Variants in AGAP1 observed in about 807,000 individuals in gnomAD.
The protein encoded by AGAP1 is ArfGAP with GTPase domain, ankyrin repeat and PH domain 1.
Under a neutral mutation model 105.3 loss-of-function variants are expected in AGAP1, and 29 were observed. The observed-to-expected ratio is 0.28, with a 90% CI of 0.21 to 0.38. AGAP1 has a LOEUF of 0.38. Among genes scored for constraint, AGAP1 ranks in the 10% least tolerant of loss-of-function variants. The pLI is 1.00. For synonymous variants in AGAP1, 509 were observed against 485.9 expected (o/e 1.05, Z -0.63); for missense variants, 998 against 1,165.1 (o/e 0.86, Z 2.09).
intron 9 of AGAP1, among the ~76,000 whole-genome samples, chr2:235,811,120 T>G (rs779111978): frequency 5.5e-4 from 83 of 152,094 alleles, no homozygotes; most frequent in Non-Finnish European, 1.1e-3. Context: ...GGAGGTCTGT[T>G]TGGGGGACAG....
At chr2:235,803,655 C>T (rs1957694147) in intron 8 of AGAP1, among the ~76,000 whole-genome samples, 1 of 152,188 alleles carries the variant, frequency 6.6e-6, no homozygotes, top group African/African-American at 2.4e-5. Context: ...TTATAAAGTA[C>T]ACTGTAATGC....
In AGAP1 at chr2:235,590,715, A is replaced by ATTTT. The variant is rs67076321; in HGVS notation, c.163+95886_163+95889dup. On this transcript the variant is annotated intron_variant, in intron 1 of 17. Transcript: ENST00000304032. ...TGCGTGTGTGTGTGTGTGTGTGTGC[A>ATTTT]TTTTTTTTTTTTTTTTTTTTTTTGA... Among the ~76,000 whole-genome samples, 10 of 53,696 alleles carry ATTTT rather than the reference A, an allele frequency of 1.9e-4. No homozygotes were observed. In the East Asian group the frequency reaches 3.5e-3, roughly 19 times the overall value. 35.2% of individuals were successfully genotyped at this position (53,696 alleles called of 152,430 possible).
At chr2:235,523,727 AGGTGGCCTTGGGTCG>A (rs1384796291) in intron 1 of AGAP1, among the ~76,000 whole-genome samples, 3 of 152,250 alleles carry the variant, frequency 2.0e-5, no homozygotes, top group Non-Finnish European at 4.4e-5. Context: ...GCCAGTGGTC[AGGTGGCCTTGGGTCG>A]AAAGGCCGAC....
Position 235,908,692 on chromosome 2 carries a change from CTTTTT to C in AGAP1, c.1156-36_1156-32del. On this transcript the variant is annotated intron_variant, in intron 10 of 17. Transcript: ENST00000304032. The surrounding 1 kb of genome is among the most constrained non-coding windows in gnomAD (Gnocchi z 4.4). ...CCTTTTGTTCTAGGTTGTAAAAGGT[CTTTTT>C]TTTTTTTTTATCTCTCTTGGATGTT... The C allele has an allele frequency of 2.2e-6, 3 of 1,367,798 alleles. No homozygotes were observed. The highest frequency in any genetic ancestry group is 1.5e-5 in the South Asian group (1 of 65,884). The allele number at this position is 1,367,798 out of a possible 1,614,324, so 84.7% of individuals were successfully genotyped here. A position where few individuals can be genotyped will look rare whatever the true frequency, so the allele number is the denominator to read the frequency against.
At chr2:235,892,471 G>A (rs1283212381) in intron 10 of AGAP1, among the ~76,000 whole-genome samples, 4 of 151,648 alleles carry the variant, frequency 2.6e-5, no homozygotes, top group Admixed American at 2.6e-4. Flanking sequence ...ATTTCAGAAA[G>A]TTTCTAGTTT....
chr2:236,120,596 C>A lies in AGAP1; in HGVS notation c.2370+149C>A. ...CTAATGGGAAACTCTGATTGAAGAG[C>A]AGAGGGCCTTACGGAGAGACAGCCG... On this transcript the variant is annotated intron_variant, in intron 17 of 17. Transcript: ENST00000304032. The surrounding 1 kb of genome is among the most constrained non-coding windows in gnomAD (Gnocchi z 6.0). 7.0e-7 allele frequency: 1 copy of A among 1,425,660 alleles called. No homozygotes were observed. The highest frequency in any genetic ancestry group is 9.3e-7 in the Non-Finnish European group (1 of 1,074,090). 88.3% of individuals were successfully genotyped at this position (1,425,660 alleles called of 1,614,324 possible). A position where few individuals can be genotyped will look rare whatever the true frequency, so the allele number is the denominator to read the frequency against.
chr2:236,066,986 T>C (rs747618493), intron 16 of AGAP1, among the ~76,000 whole-genome samples: 65 of 151,996 alleles, frequency 4.3e-4, no homozygotes, highest in Non-Finnish European at 5.7e-4. Context: ...ATTTTCCCCA[T>C]GTAAGGGAAT....
At position 235,697,938 on chromosome 2, in the gene AGAP1, A is replaced by G. The variant is rs531229407; in HGVS notation, c.164-11241A>G. ...CTTCAGCAAATACAGTGGCTCTTGC[A>G]TACTACCAGCATCTAAGCTGCAGTC... On this transcript the variant is annotated intron_variant, in intron 1 of 17. Coordinates refer to ENST00000304032, the MANE Select transcript of AGAP1 (RefSeq NM_001037131.3). Among the ~76,000 whole-genome samples, 6 of 152,322 alleles carry G rather than the reference A, an allele frequency of 3.9e-5. No homozygotes were observed. The South Asian group carries it at 1.2e-3, about 32-fold the overall frequency.
intron 13 of AGAP1, among the ~76,000 whole-genome samples, chr2:235,980,926 A>G (rs781650304): frequency 2.0e-5 from 3 of 152,212 alleles, no homozygotes; most frequent in Admixed American, 6.5e-5. Flanking sequence ...AAATCAGACA[A>G]TTAAACCAAT....
Position 235,887,234 on chromosome 2 carries a change from A to G in AGAP1, c.1155+3785A>G, listed in dbSNP as rs1247977777. Among the ~76,000 whole-genome samples, 2 of 151,998 alleles carry G rather than the reference A, an allele frequency of 1.3e-5. No homozygotes were observed. The highest frequency in any genetic ancestry group is 2.9e-5 in the Non-Finnish European group (2 of 68,002). The stretch of plus-strand genomic sequence containing the variant: ...CCACTGAGAGTCATTGGCCACATGC[A>G]GTGGTGGCATAAGTGGTCAAGTGTT... On this transcript the variant is annotated intron_variant, in intron 10 of 17. Coordinates refer to ENST00000304032, the MANE Select transcript of AGAP1 (RefSeq NM_001037131.3). The surrounding 1 kb of genome is among the most constrained non-coding windows in gnomAD (Gnocchi z 4.1).
chr2:235,595,999 GT>G (rs987662017), intron 1 of AGAP1, among the ~76,000 whole-genome samples: 2 of 152,186 alleles, frequency 1.3e-5, no homozygotes, highest in African/African-American at 4.8e-5. Context: ...GCCGGCAGAT[GT>G]TTCTGATGTT....
rs150070320 is a variant in AGAP1, at chr2:235,593,772, C to T, written c.163+98923C>T. On this transcript the variant is annotated intron_variant, in intron 1 of 17. Transcript: ENST00000304032. Reference sequence around the variant, plus strand: ...TGAGGCCAGGAGTTCAAGACCAGCCCGGGCAACATAGTGAGACCCACATCT... The same window carrying T: ...TGAGGCCAGGAGTTCAAGACCAGCCTGGGCAACATAGTGAGACCCACATCT... Among the ~76,000 whole-genome samples the T allele has an allele frequency of 4.2e-3, 636 of 152,018 alleles. 1 individual carries two copies. The highest frequency in any genetic ancestry group is 9.2e-3 in the South Asian group (44 of 4,800).
chr2:235,787,005 G>A lies in AGAP1; in HGVS notation c.674-10754G>A, dbSNP rs967776072. Among the ~76,000 whole-genome samples the A allele has an allele frequency of 4.6e-5, 7 of 152,164 alleles. No individual in the cohort carries two copies. The highest frequency in any genetic ancestry group is 4.2e-4 in the South Asian group (2 of 4,818). ...ATCAGGCTTCCTTGAGGGAGCTGTC[G>A]CCCCCCAAATCAGGGTCTTGACACC... On this transcript the variant is annotated intron_variant, in intron 6 of 17. Transcript: ENST00000304032. This position sits in a 1 kb window ranked among gnomAD's most constrained non-coding sequence, Gnocchi z 4.4.
chr2:236,075,097 C>G (rs948225860), intron 16 of AGAP1, among the ~76,000 whole-genome samples: 2 of 151,966 alleles, frequency 1.3e-5, no homozygotes, highest in Non-Finnish European at 2.9e-5. Context: ...GTGATTGATT[C>G]GGTTTACATG....
In AGAP1 at chr2:236,056,708, T is replaced by C. The variant is rs1417880677; in HGVS notation, c.2114+7427T>C. ...AGTGAACTTTTCTCTTTCTTCTTCT[T>C]AATGAAGAGGAGGGAGACAAAAACA... On this transcript the variant is annotated intron_variant, in intron 16 of 17. Transcript: ENST00000304032. The surrounding 1 kb of genome is among the most constrained non-coding windows in gnomAD (Gnocchi z 4.6). Among the ~76,000 whole-genome samples the C allele has an allele frequency of 6.6e-6, 1 of 152,146 alleles. No homozygotes were observed. The highest frequency in any genetic ancestry group is 2.4e-5 in the African/African-American group (1 of 41,438).
At position 235,712,969 on chromosome 2, in the gene AGAP1, C is replaced by T. The variant is rs78735243; in HGVS notation, c.222+3732C>T. ...GCGTTTCAAATTAAAATGATGCCAT[C>T]GTGTGTGACTGAGGTGGTCTGTGAG... is the stretch of plus-strand genomic sequence containing the variant. On this transcript the variant is annotated intron_variant, in intron 2 of 17. Coordinates refer to ENST00000304032, the MANE Select transcript of AGAP1 (RefSeq NM_001037131.3). The surrounding 1 kb of genome is among the most constrained non-coding windows in gnomAD (Gnocchi z 6.0). 1.6e-3 allele frequency among the ~76,000 whole-genome samples: 247 copies of T among 152,330 alleles called. No homozygotes were observed. The highest frequency in any genetic ancestry group is 5.7e-3 in the African/African-American group (236 of 41,570).
rs1199245911 is a variant in AGAP1 at position 235,662,876 on chromosome 2, C to T, written c.164-46303C>T. ...ATGGCGAGCAGAGGTTTTATTCCAT[C>T]TTACTGTGTCAGATGTGATTCCGGG... On this transcript the variant is annotated intron_variant, in intron 1 of 17. Transcript: ENST00000304032. The surrounding 1 kb of genome is among the most constrained non-coding windows in gnomAD (Gnocchi z 4.2). Among the ~76,000 whole-genome samples the T allele has an allele frequency of 6.6e-6, 1 of 152,210 alleles. No individual in the cohort carries two copies. The highest frequency in any genetic ancestry group is 1.5e-5 in the Non-Finnish European group (1 of 68,048).
intron 5 of AGAP1, among the ~76,000 whole-genome samples, chr2:235,746,529 G>C (rs1952967667): frequency 6.6e-6 from 1 of 151,540 alleles, no homozygotes; most frequent in African/African-American, 2.4e-5. Context: ...TTCACCAGGA[G>C]ACAAGGCCGC....
chr2:235,813,236 A>T (rs748459309), intron 9 of AGAP1, among the ~76,000 whole-genome samples: 28 of 152,248 alleles, frequency 1.8e-4, no homozygotes, highest in Non-Finnish European at 3.2e-4. Context: ...GATGTGCAGA[A>T]TGTTTATTTG....
Sources: allele counts gnomAD v4.1 joint callset (sites outside exome capture counted in the v4.1 genomes callset), GRCh38; gene constraint gnomAD v4.1.1; non-coding constraint Gnocchi (gnomAD v3.1); transcripts MANE v1.5; gene names NCBI Gene and HGNC (gene_info 2026-07-23, HGNC 2026-07-21).